Variants in C1S observed in about 807,000 individuals in gnomAD.
C1S encodes complement C1s subcomponent.
C1S carries 31 observed loss-of-function variants against 54.0 expected under a neutral mutation model. The ratio of observed to expected loss-of-function variants is 0.57; its 90% CI spans 0.43 to 0.78. The LOEUF (loss-of-function observed/expected upper bound fraction) is 0.78. C1S is among the 30% of genes least tolerant of loss of function. The pLI, the probability that C1S is intolerant of heterozygous loss-of-function variation, is 0.00. For missense variants in C1S, 727 were observed against 851.8 expected (o/e 0.85, Z 1.82); for synonymous variants, 292 against 303.6 (o/e 0.96, Z 0.40).
Position 7,069,921 on chromosome 12 carries a change from T to C in C1S, c.1337T>C (p.Ile446Thr). The part of the protein sequence containing the change: ...QRIIGGSDAD[I>T]KNFPWQVFFD... ...ATAATTGGAGGATCCGATGCAGATA[T>C]TAAAAACTTCCCCTGGCAAGTCTTC... Residue 446 changes from isoleucine (I) to threonine (T), a missense_variant, in exon 12 of 12, where the codon ATT becomes ACT. Around this residue, in one of 3 missense-constraint regions of C1S, gnomAD observed 360 missense variants for 453.6 expected, o/e 0.79. Coordinates refer to ENST00000360817, the MANE Select transcript of C1S (RefSeq NM_001734.5). The C allele has an allele frequency of 6.2e-7, 1 of 1,614,174 alleles. No individual in the cohort carries two copies. The highest frequency in any genetic ancestry group is 1.3e-5 in the African/African-American group (1 of 75,040).
rs201608195 is a variant in C1S at position 7,070,272 on chromosome 12, A to G, written c.1688A>G (p.Asp563Gly). Reference sequence around the variant, plus strand: ...TCCGACTACAACCTCATGGATGGGGACCTGGGACTGATCTCAGGCTGGGGC... The same window carrying G: ...TCCGACTACAACCTCATGGATGGGGGCCTGGGACTGATCTCAGGCTGGGGC... ...TSSDYNLMDG[D>G]LGLISGWGRT... is the part of the protein sequence containing the mutation. The change falls in exon 12 of 12, where the codon GAC becomes GGC. Residue 563 changes from aspartate to glycine, a missense_variant. Around this residue, in one of 3 missense-constraint regions of C1S, gnomAD observed 360 missense variants for 453.6 expected, o/e 0.79. Coordinates refer to ENST00000360817, the MANE Select transcript of C1S (RefSeq NM_001734.5). The surrounding 1 kb of genome is among the most constrained non-coding windows in gnomAD (Gnocchi z 4.9). 53 of 1,614,182 alleles carry G rather than the reference A, an allele frequency of 3.3e-5. No homozygotes were observed. Among genetic ancestry groups the G allele is most frequent in the Non-Finnish European group, 4.0e-5 (47 of 1,180,010 alleles).
intron 4 of C1S, chr12:7,063,784 G>T: frequency 2.8e-6 from 1 of 354,912 alleles, no homozygotes; most frequent in Non-Finnish European, 5.5e-6. Flanking sequence ...CAGCACTTTG[G>T]GAGGCTGAGG....
intron 5 of C1S, 21 bp downstream of exon 5, chr12:7,064,413 G>C: frequency 6.2e-7 from 1 of 1,613,980 alleles, no homozygotes; most frequent in East Asian, 2.2e-5. Flanking sequence ...TGTTAAGAGG[G>C]TTGCATGTTC....
rs150253355 is a variant in C1S, at chr12:7,069,727, T to G, written c.1271-128T>G. Reference sequence around the variant, plus strand: ...TCAGGTATTGAGATTGTTGACCAAATAGGGTTGACTATTTTGTACTAGAGA... The same window carrying G: ...TCAGGTATTGAGATTGTTGACCAAAGAGGGTTGACTATTTTGTACTAGAGA... On this transcript the variant is annotated intron_variant, in intron 11 of 11. Coordinates refer to ENST00000360817, the MANE Select transcript of C1S (RefSeq NM_001734.5). 5 of 855,540 alleles carry G rather than the reference T, an allele frequency of 5.8e-6. No individual in the cohort carries two copies. The East Asian group carries it at 1.2e-4, about 21-fold the overall frequency. The allele number at this position is 855,540 out of a possible 1,614,324, so 53.0% of individuals were successfully genotyped here. A position where few individuals can be genotyped will look rare whatever the true frequency, so the allele number is the denominator to read the frequency against.
At chr12:7,063,492 G>T in intron 4 of C1S, 1 of 375,280 alleles carries the variant, frequency 2.7e-6, no homozygotes, top group South Asian at 1.9e-5. Context: ...TTCAATATAT[G>T]GCATTCAAAC....
chr12:7,069,671 A>T (rs782040816), intron 11 of C1S, among the ~76,000 whole-genome samples, 184 bp from the exon 12 acceptor site: 1 of 149,172 alleles, frequency 6.7e-6, no homozygotes, highest in Non-Finnish European at 1.5e-5. Context: ...GACATCGGCA[A>T]AGCGGGATGT....
In C1S at chr12:7,070,342, G is replaced by A. The variant is rs1485829501; in HGVS notation, c.1758G>A (p.Arg586=). 11 of 1,614,126 alleles carry A rather than the reference G, an allele frequency of 6.8e-6. No individual in the cohort carries two copies. Among genetic ancestry groups the A allele is most frequent in the Non-Finnish European group, 9.3e-6 (11 of 1,180,054 alleles). The change falls in exon 12 of 12, where the codon AGG becomes AGA. Residue 586 remains arginine, a synonymous_variant. Coordinates refer to ENST00000360817, the MANE Select transcript of C1S (RefSeq NM_001734.5). The surrounding 1 kb of genome is among the most constrained non-coding windows in gnomAD (Gnocchi z 4.9). ...GTGCTGTTCGCCTCAAGGCGGCAAG[G>A]TTACCTGTAGCTCCTTTAAGAAAAT... is the stretch of plus-strand genomic sequence containing the variant. ...RDRAVRLKAA[R]LPVAPLRKCK...
chr12:7,065,308 TG>T lies in C1S; in HGVS notation c.717+11del. On this transcript the variant is annotated intron_variant, in intron 6 of 11. Transcript: ENST00000360817. Reference sequence around the variant, plus strand: ...GCCTTGACAGTTTAGTTGTGCGTGATGGTTGATTAATACCCCACCCTTAACT... The same window carrying T: ...GCCTTGACAGTTTAGTTGTGCGTGATGTTGATTAATACCCCACCCTTAACT... 6.2e-7 allele frequency: 1 copy of T among 1,604,608 alleles called. No homozygotes were observed. The highest frequency in any genetic ancestry group is 8.5e-7 in the Non-Finnish European group (1 of 1,171,294).
chr12:7,063,924 G>C (rs781952453), intron 4 of C1S: 2 of 449,076 alleles, frequency 4.5e-6, no homozygotes, highest in Non-Finnish European at 9.0e-6. Flanking sequence ...AGCTCCTCGG[G>C]AGGTAGAGGC....
Position 7,065,868 on chromosome 12 carries a change from G to C in C1S, c.769G>C (p.Gly257Arg). Residue 257 changes from glycine to arginine, a missense_variant, in exon 7 of 12, where the codon GGG (glycine) becomes CGG (arginine). Gly to Arg is a moderately radical substitution (Grantham distance 125). Coordinates refer to ENST00000360817, the MANE Select transcript of C1S (RefSeq NM_001734.5). The stretch of plus-strand genomic sequence containing the variant: ...TCCTTACTGTGGTCATGGATTCCCT[G>C]GGCCTCTAAATATTGAAACCAAGAG... The part of the protein sequence containing the change: ...FGPYCGHGFP[G>R]PLNIETKSNA... 6.2e-7 allele frequency: 1 copy of C among 1,612,906 alleles called. No individual in the cohort carries two copies. The highest frequency in any genetic ancestry group is 8.5e-7 in the Non-Finnish European group (1 of 1,179,212).
chr12:7,063,024 T>C lies in C1S; in HGVS notation c.348T>C (p.Asn116=). The part of the protein sequence containing the change: ...LQVIFKSDFS[N]EERFTGFAAY... ...TGATCTTTAAGTCAGACTTTTCCAA[T>C]GAAGAGCGTTTTACGGGGTTTGCTG... Residue 116 remains asparagine, a synonymous_variant, in exon 4 of 12, where the codon AAT becomes AAC. Coordinates refer to ENST00000360817, the MANE Select transcript of C1S (RefSeq NM_001734.5). 2.5e-6 allele frequency: 4 copies of C among 1,614,132 alleles called. No homozygotes were observed. The highest frequency in any genetic ancestry group is 3.3e-4 in the Middle Eastern group (2 of 6,062).
chr12:7,070,927 G>T lies in C1S; in HGVS notation c.*276G>T. On this transcript the variant is annotated 3_prime_UTR_variant, in exon 12 of 12. Transcript: ENST00000360817. The surrounding 1 kb of genome is among the most constrained non-coding windows in gnomAD (Gnocchi z 4.9). ...CACTCCTTTCTTGCACTATTCCACA[G>T]GGATACCTTAATTCTTTGTTTCCTC... 2.2e-6 allele frequency: 1 copy of T among 462,944 alleles called. No homozygotes were observed. The highest frequency in any genetic ancestry group is 3.9e-6 in the Non-Finnish European group (1 of 253,848). The allele number at this position is 462,944 out of a possible 1,614,324, so 28.7% of individuals were successfully genotyped here. A position where few individuals can be genotyped will look rare whatever the true frequency, so the allele number is the denominator to read the frequency against.
chr12:7,068,375 C>T (rs1937732520), intron 10 of C1S, 81 bp from the exon 11 acceptor site: 1 of 969,048 alleles, frequency 1.0e-6, no homozygotes, highest in African/African-American at 1.6e-5. Flanking sequence ...AGGAACGGGG[C>T]AGGGTGTTGG....
At chr12:7,064,469 C>A (rs981049021) in intron 5 of C1S, 77 bp downstream of exon 5, 1 of 1,533,540 alleles carries the variant, frequency 6.5e-7, no homozygotes, top group African/African-American at 1.4e-5. Flanking sequence ...CTTTGTCCAC[C>A]CTTCCAACTT....
intron 2 of C1S, 115 bp from the exon 3 acceptor site, chr12:7,062,360 T>C (rs1947103551): frequency 3.8e-6 from 3 of 780,104 alleles, no homozygotes; most frequent in East Asian, 2.6e-5. Context: ...TTCTCCCCCA[T>C]GGCCGATTGA....
rs781903611 is a variant in C1S at position 7,067,634 on chromosome 12, G to A, written c.1067-9G>A. 7 of 1,613,674 alleles carry A rather than the reference G, an allele frequency of 4.3e-6. No homozygotes were observed. In the East Asian group the frequency reaches 6.7e-5, roughly 15 times the overall value. Reference sequence around the variant, plus strand: ...TCCTGACCATCGCTCTCCTTCCTTCGTCTGGTAGCTGTGGACTGTGGCATT... The same window carrying A: ...TCCTGACCATCGCTCTCCTTCCTTCATCTGGTAGCTGTGGACTGTGGCATT... On this transcript the variant is annotated splice_polypyrimidine_tract_variant and intron_variant, in intron 9 of 11. Coordinates refer to ENST00000360817, the MANE Select transcript of C1S (RefSeq NM_001734.5).
rs1591578449 is a variant in C1S, at chr12:7,065,856, C to G, written c.757C>G (p.His253Asp). 1 of 1,612,870 alleles carries G rather than the reference C, an allele frequency of 6.2e-7. No individual in the cohort carries two copies. The change falls in exon 7 of 12, where the codon CAT (histidine) becomes GAT (aspartate). Residue 253 changes from histidine to aspartate, a missense_variant. His to Asp is a moderately conservative substitution (Grantham distance 81). Around this residue, in one of 3 missense-constraint regions of C1S, gnomAD observed 357 missense variants for 365.4 expected, o/e 0.98. Transcript: ENST00000360817. ...TCGGCAATTTGGTCCTTACTGTGGT[C>G]ATGGATTCCCTGGGCCTCTAAATAT... is the stretch of plus-strand genomic sequence containing the variant. Reference protein sequence around the residue: ...GDRQFGPYCGHGFPGPLNIET... With the variant: ...GDRQFGPYCGDGFPGPLNIET...
intron 6 of C1S, chr12:7,065,539 C>CTTTT (rs58858630): frequency 1.6e-3 from 824 of 521,154 alleles, no homozygotes; most frequent in Middle Eastern, 4.2e-3. Context: ...TATTGTTATT[C>CTTTT]TTTTTTTTTT....
chr12:7,070,181 G>T lies in C1S; in HGVS notation c.1597G>T (p.Val533Leu), dbSNP rs782665544. The change falls in exon 12 of 12, where the codon GTG becomes TTG. Residue 533 changes from valine (V) to leucine (L), a missense_variant. Physicochemically the swap from Val to Leu is conservative, Grantham distance 32. Transcript: ENST00000360817. This position sits in a 1 kb window ranked among gnomAD's most constrained non-coding sequence, Gnocchi z 4.9. ...RTNFDNDIAL[V>L]RLKDPVKMGP... ...CAATTTTGATAATGACATTGCACTG[G>T]TGCGGCTGAAAGACCCAGTGAAAAT... 16 of 1,614,216 alleles carry T rather than the reference G, an allele frequency of 9.9e-6. No individual in the cohort carries two copies. Among genetic ancestry groups the T allele is most frequent in the Admixed American group, 1.7e-5 (1 of 60,024 alleles).
Sources: allele counts gnomAD v4.1 joint callset (sites outside exome capture counted in the v4.1 genomes callset), GRCh38; gene constraint gnomAD v4.1.1; regional missense constraint gnomAD v4.1.1; non-coding constraint Gnocchi (gnomAD v3.1); transcripts MANE v1.5; gene names NCBI Gene and HGNC (gene_info 2026-07-23, HGNC 2026-07-21).